The following PRKCH variants were observed in gnomAD, a reference collection of about 807,000 sequenced individuals.
The protein encoded by PRKCH is protein kinase C eta type.
Under a neutral mutation model 82.5 loss-of-function variants are expected in PRKCH, and 28 were observed. The ratio of observed to expected loss-of-function variants is 0.34; its 90% CI spans 0.25 to 0.47. The LOEUF is 0.47. PRKCH is among the 20% of genes least tolerant of loss of function. The pLI is 1.00. For missense variants in PRKCH, 705 were observed against 881.8 expected, an observed-to-expected ratio of 0.80 and a Z score of 2.54; for synonymous variants, 322 against 327.4, an observed-to-expected ratio of 0.98 and a Z score of 0.18.
At chr14:61,525,790 G>GTT (rs2042957744) in intron 10 of PRKCH, 1 of 152,260 alleles carries the variant, frequency 6.6e-6, no homozygotes. Flanking sequence ...CAGAAACTCA[G>GTT]TGACCTTGTT....
chr14:61,278,716 A>G (rs2045226062), intron 1 of PRKCH: 1 of 152,192 alleles, frequency 6.6e-6, no homozygotes, highest in Admixed American at 6.5e-5. Context: ...GTTTTTAAAA[A>G]TAAACTATTG....
At chr14:61,297,672 C>T (rs2045415956) in intron 1 of PRKCH, among the ~76,000 whole-genome samples, 1 of 152,174 alleles carries the variant, frequency 6.6e-6, no homozygotes, top group African/African-American at 2.4e-5. Flanking sequence ...AGGGTTTGTG[C>T]TCCTGTGAGA....
At chr14:61,221,596 T>A (rs2044656600) in intron 1 of PRKCH, among the ~76,000 whole-genome samples, 1 of 152,162 alleles carries the variant, frequency 6.6e-6, no homozygotes, top group Non-Finnish European at 1.5e-5. Context: ...GCCTATATTC[T>A]TCCTGCACAG....
At chr14:61,289,661 T>C (rs149740134) in intron 1 of PRKCH, among the ~76,000 whole-genome samples, 2,722 of 152,292 alleles carry the variant, frequency 0.018, 100 homozygotes, top group African/African-American at 0.062. Context: ...GAGCTATGAT[T>C]GTGCCACTGC....
chr14:61,371,986 C>G (rs2046369168), intron 1 of PRKCH, among the ~76,000 whole-genome samples: 1 of 151,966 alleles, frequency 6.6e-6, no homozygotes, highest in African/African-American at 2.4e-5. Context: ...TGATTGTGCT[C>G]CTCAAATTGT....
chr14:61,196,184 T>C (rs944918568), intron 1 of PRKCH, among the ~76,000 whole-genome samples: 2 of 152,090 alleles, frequency 1.3e-5, no homozygotes, highest in African/African-American at 4.8e-5. Flanking sequence ...AGAAAGGAAT[T>C]GGTGCCAGTG....
intron 1 of PRKCH, among the ~76,000 whole-genome samples, 196 bp from the exon 2 acceptor site, chr14:61,391,029 G>A (rs921837708): frequency 1.3e-5 from 2 of 152,182 alleles, no homozygotes; most frequent in African/African-American, 4.8e-5. Context: ...CTGATAAAAT[G>A]TGGTTTCTTT....
chr14:61,364,431 G>A (rs2140165167), intron 1 of PRKCH, among the ~76,000 whole-genome samples: 1 of 152,132 alleles, frequency 6.6e-6, no homozygotes, highest in South Asian at 2.1e-4. Flanking sequence ...CCCAGCCTGT[G>A]TGTCAGAGGC....
chr14:61,363,045 A>G (rs1054929772), intron 1 of PRKCH, among the ~76,000 whole-genome samples: 1 of 152,234 alleles, frequency 6.6e-6, no homozygotes, highest in Non-Finnish European at 1.5e-5. Context: ...AGAGAGAAGG[A>G]GGAAGGCATT....
At chr14:61,224,533 G>C (rs1307023616) in intron 1 of PRKCH, among the ~76,000 whole-genome samples, 2 of 152,180 alleles carry the variant, frequency 1.3e-5, no homozygotes, top group East Asian at 3.8e-4. Context: ...GACCTTGACA[G>C]TCCTGAGGAG....
At chr14:61,340,363 C>T (rs2045916222) in intron 1 of PRKCH, among the ~76,000 whole-genome samples, 1 of 16,274 alleles carries the variant, frequency 6.1e-5, no homozygotes, top group Non-Finnish European at 1.2e-4. Context: ...TTGGTGTTCC[C>T]CAGGTGGGAG....
In PRKCH at chr14:61,253,977, TCCTCCCTCCCTC is replaced by T. The variant is rs547034638; in HGVS notation, c.-19+66333_-19+66344del. Among the ~76,000 whole-genome samples, 580 of 74,146 alleles carry T rather than the reference TCCTCCCTCCCTC, an allele frequency of 7.8e-3. 6 individuals are homozygous for T. Among genetic ancestry groups the T allele is most frequent in the African/African-American group, 0.017 (353 of 21,292 alleles). 48.6% of individuals were successfully genotyped at this position (74,146 alleles called of 152,430 possible). On this transcript the variant is annotated intron_variant, in intron 1 of 3. Transcript: ENST00000555185. Reference sequence around the variant, plus strand: ...TTTCCTTCCTTCTTCCCTCCCTCCCTCCTCCCTCCCTCCCTCCCTCCCTCCCTCCCTCCCTTC... The same window carrying T: ...TTTCCTTCCTTCTTCCCTCCCTCCCTCCTCCCTCCCTCCCTCCCTCCCTTC...
intron 2 of PRKCH, among the ~76,000 whole-genome samples, chr14:61,410,290 T>C (rs965617538): frequency 2.6e-5 from 4 of 152,226 alleles, no homozygotes; most frequent in African/African-American, 9.6e-5. Flanking sequence ...TTAAAATATC[T>C]CTTATGCATT....
At chr14:61,346,468 A>G (rs2045993520) in intron 1 of PRKCH, among the ~76,000 whole-genome samples, 1 of 152,256 alleles carries the variant, frequency 6.6e-6, no homozygotes, top group African/African-American at 2.4e-5. Context: ...GCTGTGGCCT[A>G]CACCAATGGT....
chr14:61,414,681 A>T (rs773382722), intron 2 of PRKCH, among the ~76,000 whole-genome samples: 1 of 149,218 alleles, frequency 6.7e-6, no homozygotes, highest in African/African-American at 2.5e-5. Flanking sequence ...GGGTTTCATC[A>T]TGCTGGCTGG....
At chr14:61,511,600 A>G (rs1887377692) in intron 10 of PRKCH, among the ~76,000 whole-genome samples, 1 of 152,236 alleles carries the variant, frequency 6.6e-6, no homozygotes, top group Non-Finnish European at 1.5e-5. Flanking sequence ...TTTATGGCAT[A>G]AACTACAAAG....
intron 1 of PRKCH, among the ~76,000 whole-genome samples, chr14:61,270,727 C>G (rs568194532): frequency 6.6e-6 from 1 of 152,176 alleles, no homozygotes. Flanking sequence ...AATCCCAGCA[C>G]GTAGTGAGAC....
intron 1 of PRKCH, among the ~76,000 whole-genome samples, chr14:61,293,874 C>G (rs7158527): frequency 0.24 from 35,893 of 152,070 alleles, 5,404 homozygotes; most frequent in African/African-American, 0.43. Context: ...ATTAACAGAG[C>G]TGATAACCAA....
chr14:61,531,009 C>G (rs912219080), intron 12 of PRKCH, among the ~76,000 whole-genome samples: 1 of 152,148 alleles, frequency 6.6e-6, no homozygotes, highest in African/African-American at 2.4e-5. Context: ...CAGGATGAAG[C>G]GGTCGGGTCT....
Sources: allele counts gnomAD v4.1 joint callset (sites outside exome capture counted in the v4.1 genomes callset), GRCh38; gene constraint gnomAD v4.1.1; transcripts MANE v1.5; gene names NCBI Gene and HGNC (gene_info 2026-07-23, HGNC 2026-07-21).